Variants in ZNF724 observed in about 807,000 individuals in gnomAD.
The protein encoded by ZNF724 is zinc finger protein 724 pseudogene.
A neutral mutation model predicts 29.3 loss-of-function variants in ZNF724; 14 were observed. That is an observed-to-expected ratio of 0.48 (90% CI 0.32 to 0.75). The LOEUF is 0.75. Ranked by LOEUF, ZNF724 falls within the 30% of genes least tolerant of loss-of-function variation. The pLI is 0.04. For synonymous variants in ZNF724, 180 were observed against 193.6 expected (o/e 0.93, Z 0.58); for missense variants, 557 against 571.2 (o/e 0.98, Z 0.25).
chr19:23,235,771 C>G (rs12462584), intron 1 of ZNF724, among the ~76,000 whole-genome samples: 77,948 of 152,020 alleles, frequency 0.51, 20,807 homozygotes, highest in East Asian at 0.68. Flanking sequence ...TTCATATCAC[C>G]TCTAGTAATT....
intron 3 of ZNF724, among the ~76,000 whole-genome samples, chr19:23,225,355 A>G (rs371741487): frequency 5.9e-5 from 9 of 152,278 alleles, no homozygotes; most frequent in African/African-American, 2.2e-4. Flanking sequence ...TTGTAATCCT[A>G]GCACTTTGGG....
intron 1 of ZNF724, among the ~76,000 whole-genome samples, chr19:23,234,977 C>T (rs191247606): frequency 1.9e-3 from 285 of 152,054 alleles, no homozygotes; most frequent in African/African-American, 6.3e-3. Context: ...CAAATACTTC[C>T]GGCACAAATG....
intron 1 of ZNF724, among the ~76,000 whole-genome samples, chr19:23,233,622 G>C (rs959384861): frequency 6.6e-6 from 1 of 151,798 alleles, no homozygotes; most frequent in African/African-American, 2.4e-5. Context: ...AGAAGGCTCT[G>C]GTATATAGGA....
At chr19:23,226,780 A>G (rs1270890217) in intron 3 of ZNF724, among the ~76,000 whole-genome samples, 2 of 152,142 alleles carry the variant, frequency 1.3e-5, no homozygotes, top group Non-Finnish European at 2.9e-5. Context: ...TAAATAAAAA[A>G]CACACACATA....
chr19:23,236,912 G>A (rs1288494050), intron 1 of ZNF724: 1 of 151,838 alleles, frequency 6.6e-6, no homozygotes, highest in Non-Finnish European at 1.5e-5. Flanking sequence ...GAGTGCAGTG[G>A]CATGACCTTA....
In ZNF724 at chr19:23,222,382, T is replaced by C. The variant is rs761277754; in HGVS notation, c.*3A>G. 2.8e-6 allele frequency: 3 copies of C among 1,086,088 alleles called. No homozygotes were observed. The South Asian group carries it at 3.9e-5, about 14-fold the overall frequency. The allele number at this position is 1,086,088 out of a possible 1,614,324, so 67.3% of individuals were successfully genotyped here. ...GTGAGCCACCACGCCTGGTCCATTT[T>C]TCTTATTTGTCAGATTTTTCTACAG... On this transcript the variant is annotated 3_prime_UTR_variant, in exon 4 of 4. Coordinates refer to ENST00000418100, the MANE Select transcript of ZNF724 (RefSeq NM_001355404.2).
At chr19:23,244,060 G>A (rs1972190743) in intron 1 of ZNF724, among the ~76,000 whole-genome samples, 1 of 151,916 alleles carries the variant, frequency 6.6e-6, no homozygotes, top group Non-Finnish European at 1.5e-5. Flanking sequence ...ACCTGCATGT[G>A]TACCTCTGAA....
chr19:23,228,369 G>C (rs1052133776), intron 3 of ZNF724, among the ~76,000 whole-genome samples: 2 of 151,404 alleles, frequency 1.3e-5, no homozygotes, highest in Non-Finnish European at 2.9e-5. Context: ...AGAATTGATC[G>C]AACCCAGCCG....
chr19:23,246,766 T>G (rs1972244212), intron 1 of ZNF724, among the ~76,000 whole-genome samples: 1 of 152,236 alleles, frequency 6.6e-6, no homozygotes, highest in Non-Finnish European at 1.5e-5. Context: ...ACTGATGTTT[T>G]TATCAATCTA....
intron 3 of ZNF724, among the ~76,000 whole-genome samples, chr19:23,229,891 T>A (rs74613276): frequency 2.0e-5 from 3 of 152,206 alleles, no homozygotes; most frequent in African/African-American, 7.2e-5. Context: ...TGGAAGTATG[T>A]AGCAGAATAA....
Position 23,249,856 on chromosome 19 carries a change from G to C in ZNF724, c.3+384C>G, listed in dbSNP as rs527254100. Among the ~76,000 whole-genome samples, 4 of 152,268 alleles carry C rather than the reference G, an allele frequency of 2.6e-5. No homozygotes were observed. In the South Asian group the frequency reaches 8.3e-4, roughly 32 times the overall value. On this transcript the variant is annotated intron_variant, in intron 1 of 3. Transcript: ENST00000418100. ...GCCTGCCATAAATTTTTAATAGGGG[G>C]AAAGATGAACTGGAAACGCAGCGGA... is the stretch of plus-strand genomic sequence containing the variant.
chr19:23,241,057 A>AC (rs1265914043), intron 1 of ZNF724, among the ~76,000 whole-genome samples: 77 of 151,740 alleles, frequency 5.1e-4, no homozygotes, highest in African/African-American at 1.8e-3. Context: ...CAACAACAAA[A>AC]AAAAAAGACT....
intron 3 of ZNF724, among the ~76,000 whole-genome samples, chr19:23,227,555 C>CAAAAAAAAAAAAAAAAAAAAAA (rs1370441801): frequency 5.3e-5 from 4 of 76,040 alleles, no homozygotes; most frequent in African/African-American, 9.0e-5. Context: ...GGCTCCATCT[C>CAAAAAAAAAAAAAAAAAAAAAA]AAAAAAAAAA....
intron 3 of ZNF724, among the ~76,000 whole-genome samples, chr19:23,226,208 T>C (rs1212086775): frequency 6.6e-6 from 1 of 152,036 alleles, no homozygotes; most frequent in Non-Finnish European, 1.5e-5. Flanking sequence ...CCCTCCACCA[T>C]GCCAGGCTAG....
At chr19:23,232,900 AAAG>A (rs1160774861) in intron 1 of ZNF724, among the ~76,000 whole-genome samples, 2 of 152,158 alleles carry the variant, frequency 1.3e-5, no homozygotes, top group African/African-American at 4.8e-5. Context: ...AAACCCTAAG[AAAG>A]AAGAGCAGCT....
intron 1 of ZNF724, among the ~76,000 whole-genome samples, chr19:23,243,766 T>C (rs1265620790): frequency 6.6e-6 from 1 of 151,128 alleles, no homozygotes; most frequent in Non-Finnish European, 1.5e-5. Flanking sequence ...CTACTAAAAA[T>C]ATAAAAATTA....
At chr19:23,230,595 A>C (rs952061292) in intron 3 of ZNF724, among the ~76,000 whole-genome samples, 1 of 152,184 alleles carries the variant, frequency 6.6e-6, no homozygotes, top group Admixed American at 6.5e-5. Context: ...AAGAAAACTT[A>C]ATAGTTTAAC....
chr19:23,250,009 C>T (rs997254462), intron 1 of ZNF724, among the ~76,000 whole-genome samples: 2 of 152,156 alleles, frequency 1.3e-5, no homozygotes, highest in Admixed American at 1.3e-4. Flanking sequence ...GAGAGGGCTC[C>T]AGGTCAGGGC....
Position 23,250,272 on chromosome 19 carries a change from C to G in ZNF724, c.-30G>C, listed in dbSNP as rs1284632956. 1 of 683,554 alleles carries G rather than the reference C, an allele frequency of 1.5e-6. No homozygotes were observed. Among genetic ancestry groups the G allele is most frequent in the South Asian group, 1.3e-5 (1 of 75,016 alleles). The allele number at this position is 683,554 out of a possible 1,614,324, so 42.3% of individuals were successfully genotyped here. On this transcript the variant is annotated 5_prime_UTR_variant, in exon 1 of 4. Transcript: ENST00000418100. ...AGGCTTCCAGGGGAGGCCCTGGCGT[C>G]TTAGCTGTGGATCTCCCAATGCTTG...
Sources: allele counts gnomAD v4.1 joint callset (sites outside exome capture counted in the v4.1 genomes callset), GRCh38; gene constraint gnomAD v4.1.1; transcripts MANE v1.5; gene names NCBI Gene and HGNC (gene_info 2026-07-23, HGNC 2026-07-21).